SLC16A12: variants seen among roughly 807,000 people sequenced by gnomAD.
The protein encoded by SLC16A12 is solute carrier family 16 member 12, also known as monocarboxylate transporter 12.
A neutral mutation model predicts 42.4 loss-of-function variants in SLC16A12; 17 were observed. The observed-to-expected ratio is 0.40, with a 90% CI of 0.27 to 0.60. SLC16A12 has a LOEUF of 0.60. Ranked by LOEUF, SLC16A12 falls within the 20% of genes least tolerant of loss-of-function variation. The probability of loss-of-function intolerance (pLI) is 0.42; values close to 1 mark genes in which losing one functional copy is unlikely to be tolerated. For missense variants in SLC16A12, 544 were observed against 623.0 expected (o/e 0.87, Z 1.35); for synonymous variants, 224 against 229.4 (o/e 0.98, Z 0.21).
rs539516171 is a variant in SLC16A12, at chr10:89,448,298, C to A, written c.201-4439G>T. On this transcript the variant is annotated intron_variant, in intron 3 of 7. Coordinates refer to ENST00000371790, the MANE Select transcript of SLC16A12 (RefSeq NM_213606.4). ...TTCTGATATCAAAGTCTGGCAAAAA[C>A]ACACACACACACAAAAAGGGATCTT... Among the ~76,000 whole-genome samples the A allele has an allele frequency of 3.3e-5, 5 of 151,702 alleles. No homozygotes were observed. The East Asian group carries it at 9.7e-4, about 29-fold the overall frequency.
chr10:89,447,168 A>G (rs933544128), intron 3 of SLC16A12, among the ~76,000 whole-genome samples: 2 of 151,892 alleles, frequency 1.3e-5, no homozygotes, highest in African/African-American at 2.4e-5. Flanking sequence ...TGGGAGACTA[A>G]CGCCCCACTG....
At chr10:89,540,162 C>T (rs1055372618), upstream of SLC16A12, among the ~76,000 whole-genome samples, 3 of 151,626 alleles carry the variant, frequency 2.0e-5, no homozygotes, top group Non-Finnish European at 2.9e-5. Flanking sequence ...GCAGTGGCAT[C>T]GTCACAGTTC....
chr10:89,441,010 T>C lies in SLC16A12; in HGVS notation c.448+98A>G, dbSNP rs1755640834. The C allele has an allele frequency of 2.7e-6, 4 of 1,478,482 alleles. No homozygotes were observed. The South Asian group carries it at 3.5e-5, about 13-fold the overall frequency. The allele number at this position is 1,478,482 out of a possible 1,614,324, so 91.6% of individuals were successfully genotyped here. ...TAAGCTAGGTCAACTAAATTATGCA[T>C]CTAACAAAATGAATATTTTATGAAT... On this transcript the variant is annotated intron_variant, in intron 5 of 7. Transcript: ENST00000371790.
At chr10:89,550,147 G>C (rs949137367) in intron 2 of SLC16A12, among the ~76,000 whole-genome samples, 1 of 152,122 alleles carries the variant, frequency 6.6e-6, no homozygotes. Context: ...TCTCCCACTA[G>C]TGCAAGTCTC....
intron 2 of SLC16A12, among the ~76,000 whole-genome samples, chr10:89,512,547 A>C (rs533347243): frequency 6.6e-6 from 1 of 152,270 alleles, no homozygotes; most frequent in Non-Finnish European, 1.5e-5. Flanking sequence ...ATTATTGCCT[A>C]TGCAATTATG....
At chr10:89,467,327 A>C (rs1253784094) in intron 2 of SLC16A12, among the ~76,000 whole-genome samples, 2 of 152,254 alleles carry the variant, frequency 1.3e-5, no homozygotes, top group East Asian at 3.8e-4. Context: ...CATGAATTAG[A>C]AAGGTATCCA....
At chr10:89,543,323 C>G (rs1225446947) in intron 2 of SLC16A12, among the ~76,000 whole-genome samples, 4 of 152,106 alleles carry the variant, frequency 2.6e-5, no homozygotes, top group Admixed American at 6.5e-5. Context: ...ATTCACAAAG[C>G]CTTCCCATCC....
intron 2 of SLC16A12, among the ~76,000 whole-genome samples, chr10:89,463,416 G>T (rs2133749547): frequency 6.6e-6 from 1 of 152,014 alleles, no homozygotes. Flanking sequence ...AAAAAGATCA[G>T]TGAAGAAAAA....
At chr10:89,462,755 G>A (rs1255578839) in intron 2 of SLC16A12, 131 bp from the exon 3 acceptor site, 5 of 1,001,164 alleles carry the variant, frequency 5.0e-6, no homozygotes, top group Non-Finnish European at 4.2e-6. Flanking sequence ...TACTAGACTG[G>A]GGCAGACTAT....
intron 2 of SLC16A12, among the ~76,000 whole-genome samples, chr10:89,554,147 A>AAGGAAGGAAGGAAG (rs1363375178): frequency 1.2e-4 from 11 of 93,008 alleles, no homozygotes; most frequent in Non-Finnish European, 1.9e-4. Flanking sequence ...AAGGAAGGAA[A>AAGGAAGGAAGGAAG]GAAAGAAAGA....
chr10:89,553,231 C>G (rs958250441), intron 2 of SLC16A12, among the ~76,000 whole-genome samples: 1 of 151,992 alleles, frequency 6.6e-6, no homozygotes, highest in Admixed American at 6.5e-5. Flanking sequence ...GTGGTGTTAC[C>G]CTGCAGCTGT....
At chr10:89,536,392 G>T (rs565589024), upstream of SLC16A12, among the ~76,000 whole-genome samples, 3 of 151,970 alleles carry the variant, frequency 2.0e-5, no homozygotes, top group Admixed American at 6.6e-5. Context: ...ATAACCTTGG[G>T]CAATTTAACT....
At chr10:89,517,480 A>AT (rs58938542) in intron 2 of SLC16A12, among the ~76,000 whole-genome samples, 39 of 147,470 alleles carry the variant, frequency 2.6e-4, no homozygotes, top group Middle Eastern at 6.9e-3. Context: ...CAGGTAATTA[A>AT]TTTTTTTTTT....
At chr10:89,516,849 A>T (rs1274351225) in intron 2 of SLC16A12, among the ~76,000 whole-genome samples, 1 of 152,220 alleles carries the variant, frequency 6.6e-6, no homozygotes, top group Non-Finnish European at 1.5e-5. Flanking sequence ...AATCCATAGT[A>T]AGCAATTGAT....
chr10:89,541,148 G>A (rs902441993), intron 2 of SLC16A12, among the ~76,000 whole-genome samples: 1 of 151,166 alleles, frequency 6.6e-6, no homozygotes, highest in African/African-American at 2.4e-5. Flanking sequence ...GGATGGTCTC[G>A]ATCTCCTGAC....
chr10:89,469,864 T>G (rs896403121), intron 2 of SLC16A12, among the ~76,000 whole-genome samples: 2 of 152,228 alleles, frequency 1.3e-5, no homozygotes, highest in Admixed American at 6.5e-5. Flanking sequence ...AGGTAAGCAC[T>G]CTCAGTAAAC....
intron 6 of SLC16A12, among the ~76,000 whole-genome samples, chr10:89,436,900 GAAAGAAAGAAAGAA>G (rs1206905597): frequency 1.9e-4 from 29 of 149,568 alleles, no homozygotes; most frequent in African/African-American, 7.3e-4. Flanking sequence ...AAGAAAGAAA[GAAAGAAAGAAAGAA>G]AAAGAAAGAG....
intron 3 of SLC16A12, among the ~76,000 whole-genome samples, chr10:89,458,267 T>C (rs1038592624): frequency 6.6e-6 from 1 of 152,202 alleles, no homozygotes; most frequent in African/African-American, 2.4e-5. Context: ...GGCAGGGGTT[T>C]TCAGTCAAAC....
Position 89,445,697 on chromosome 10 carries a change from T to C in SLC16A12, c.201-1838A>G, listed in dbSNP as rs141378843. Reference sequence around the variant, plus strand: ...ATTCTAAAAACTGGAGCACTTCTTCTCCTCCAAAGGATCACAGCTCCTCAC... The same window carrying C: ...ATTCTAAAAACTGGAGCACTTCTTCCCCTCCAAAGGATCACAGCTCCTCAC... On this transcript the variant is annotated intron_variant, in intron 3 of 7. Coordinates refer to ENST00000371790, the MANE Select transcript of SLC16A12 (RefSeq NM_213606.4). Among the ~76,000 whole-genome samples the C allele has an allele frequency of 5.2e-4, 79 of 152,202 alleles. 1 individual carries two copies. The East Asian group carries it at 0.015, about 28-fold the overall frequency.
Sources: allele counts gnomAD v4.1 joint callset (sites outside exome capture counted in the v4.1 genomes callset), GRCh38; gene constraint gnomAD v4.1.1; transcripts MANE v1.5; gene names NCBI Gene and HGNC (gene_info 2026-07-23, HGNC 2026-07-21).